The following DPYSL5 variants were observed in gnomAD, a reference collection of about 807,000 sequenced individuals.
DPYSL5 encodes the protein dihydropyrimidinase like 5, also known as dihydropyrimidinase-related protein 5.
A neutral mutation model predicts 58.4 loss-of-function variants in DPYSL5; 9 were observed. That is an observed-to-expected ratio of 0.15 (90% CI 0.09 to 0.27). DPYSL5 has a LOEUF of 0.27. Ranked by LOEUF, DPYSL5 falls within the 10% of genes least tolerant of loss-of-function variation. The probability of loss-of-function intolerance (pLI) is 1.00; values close to 1 mark genes in which losing one functional copy is unlikely to be tolerated. For missense variants in DPYSL5, 499 were observed against 770.6 expected (o/e 0.65, Z 4.17); for synonymous variants, 293 against 301.9 (o/e 0.97, Z 0.31).
At chr2:26,883,840 A>C (rs916215482) in intron 1 of DPYSL5, among the ~76,000 whole-genome samples, 2 of 152,212 alleles carry the variant, frequency 1.3e-5, no homozygotes, top group Non-Finnish European at 2.9e-5. Flanking sequence ...TCTACCCTGA[A>C]TCTAGGTTTC....
chr2:26,873,969 G>C (rs571917946), intron 1 of DPYSL5, among the ~76,000 whole-genome samples: 3 of 152,254 alleles, frequency 2.0e-5, no homozygotes, highest in South Asian at 4.1e-4. Context: ...GCATAGAGTG[G>C]TATTTCATTG....
In DPYSL5 at chr2:26,896,385, C is replaced by G. The variant is rs148228763; in HGVS notation, c.-4-2111C>G. On this transcript the variant is annotated intron_variant, in intron 1 of 12. Transcript: ENST00000288699. ...ATCCCTTCGACATCTGATTTCATTT[C>G]CCTTGGATATATACCCAGTAGTGGG... 2.1e-3 allele frequency among the ~76,000 whole-genome samples: 322 copies of G among 152,246 alleles called. 1 individual carries two copies. Among genetic ancestry groups the G allele is most frequent in the African/African-American group, 7.5e-3 (312 of 41,534 alleles).
intron 1 of DPYSL5, among the ~76,000 whole-genome samples, chr2:26,856,443 C>A (rs999946844): frequency 3.3e-5 from 5 of 152,046 alleles, no homozygotes; most frequent in East Asian, 1.9e-4. Context: ...GTTATATTTG[C>A]GAGATTTCTC....
Position 26,949,268 on chromosome 2 carries a change from G to C in DPYSL5, c.*2273G>C, listed in dbSNP as rs1466546657. On this transcript the variant is annotated 3_prime_UTR_variant, in exon 13 of 13. Coordinates refer to ENST00000288699, the MANE Select transcript of DPYSL5 (RefSeq NM_020134.4). ...GAGCCAAGACTAGTCACCCATTGGG[G>C]GCTAACCGTGCAGTGTGAGCTGCGT... is the stretch of plus-strand genomic sequence containing the variant. 6.6e-6 allele frequency: 1 copy of C among 152,214 alleles called. No homozygotes were observed. Among genetic ancestry groups the C allele is most frequent in the Non-Finnish European group, 1.5e-5 (1 of 68,060 alleles). The allele number at this position is 152,214 out of a possible 1,614,324, so 9.4% of individuals were successfully genotyped here. A position where few individuals can be genotyped will look rare whatever the true frequency, so the allele number is the denominator to read the frequency against.
chr2:26,874,532 T>A (rs1465464628), intron 1 of DPYSL5, among the ~76,000 whole-genome samples: 1 of 152,256 alleles, frequency 6.6e-6, no homozygotes, highest in Non-Finnish European at 1.5e-5. Context: ...CATATATATA[T>A]GTAGGTCTAT....
chr2:26,933,418 G>A lies in DPYSL5; in HGVS notation c.790+85G>A, dbSNP rs1218390318. 16 of 1,331,742 alleles carry A rather than the reference G, an allele frequency of 1.2e-5. No individual in the cohort carries two copies. Among genetic ancestry groups the A allele is most frequent in the Admixed American group, 1.8e-5 (1 of 56,956 alleles). 82.5% of individuals were successfully genotyped at this position (1,331,742 alleles called of 1,614,324 possible). On this transcript the variant is annotated intron_variant, in intron 7 of 12. Coordinates refer to ENST00000288699, the MANE Select transcript of DPYSL5 (RefSeq NM_020134.4). The surrounding 1 kb of genome is among the most constrained non-coding windows in gnomAD (Gnocchi z 4.2). ...GGCCCATTAGCCGTGCTCACTCCTG[G>A]CCCCGGCTCCTGAAACCAGGACCTG...
In DPYSL5 at chr2:26,910,616, C is replaced by CTTTTT. The variant is rs34929540; in HGVS notation, c.261+11871_261+11875dup. ...TTTTCTTTTTTTCTTTCTTCTTCTT[C>CTTTTT]TTTTTTTTTTTTTTTTTTTAGTAGA... On this transcript the variant is annotated intron_variant, in intron 2 of 12. Transcript: ENST00000288699. 3.4e-3 allele frequency among the ~76,000 whole-genome samples: 403 copies of CTTTTT among 118,286 alleles called. 1 individual carries two copies. The highest frequency in any genetic ancestry group is 4.6e-3 in the Non-Finnish European group (271 of 58,400). The allele number at this position is 118,286 out of a possible 152,430, so 77.6% of individuals were successfully genotyped here. A position where few individuals can be genotyped will look rare whatever the true frequency, so the allele number is the denominator to read the frequency against.
At chr2:26,871,567 G>A (rs376627676) in intron 1 of DPYSL5, among the ~76,000 whole-genome samples, 12 of 151,940 alleles carry the variant, frequency 7.9e-5, no homozygotes, top group Non-Finnish European at 1.2e-4. Context: ...TCAGCCTCCC[G>A]AGTAGCTGGG....
chr2:26,887,778 G>C (rs1663756914), intron 1 of DPYSL5, among the ~76,000 whole-genome samples: 1 of 150,114 alleles, frequency 6.7e-6, no homozygotes, highest in Non-Finnish European at 1.5e-5. Flanking sequence ...CCTAGTTACA[G>C]TATTGTCCCC....
intron 2 of DPYSL5, among the ~76,000 whole-genome samples, chr2:26,899,290 A>T (rs934746530): frequency 6.6e-6 from 1 of 152,176 alleles, no homozygotes; most frequent in African/African-American, 2.4e-5. Flanking sequence ...CATGGACAAT[A>T]TTTAACAGTT....
chr2:26,881,672 T>A (rs1277706243), intron 1 of DPYSL5, among the ~76,000 whole-genome samples: 1 of 152,116 alleles, frequency 6.6e-6, no homozygotes, highest in Non-Finnish European at 1.5e-5. Context: ...GCAACTTCTT[T>A]TGGGAGAGAG....
intron 8 of DPYSL5, among the ~76,000 whole-genome samples, chr2:26,936,427 A>G (rs1262452825): frequency 6.6e-6 from 1 of 152,178 alleles, no homozygotes; most frequent in African/African-American, 2.4e-5. Context: ...TGGGGGGTGC[A>G]GGGCTTAGCC....
intron 1 of DPYSL5, among the ~76,000 whole-genome samples, chr2:26,870,557 T>C (rs963837157): frequency 6.6e-6 from 1 of 151,948 alleles, no homozygotes; most frequent in East Asian, 1.9e-4. Context: ...TTATATTGGT[T>C]TTATAAAATG....
rs1665702811 is a variant in DPYSL5 at position 26,849,837 on chromosome 2, C to T, written c.-5+1583C>T. Among the ~76,000 whole-genome samples the T allele has an allele frequency of 6.6e-6, 1 of 152,216 alleles. No homozygotes were observed. Among genetic ancestry groups the T allele is most frequent in the Non-Finnish European group, 1.5e-5 (1 of 68,034 alleles). The stretch of plus-strand genomic sequence containing the variant: ...GGGAATCCCGTGTGGGAGGCGCTCC[C>T]CCGGCCTGGGGGCCTGCAGACAGCC... On this transcript the variant is annotated intron_variant, in intron 1 of 12. Coordinates refer to ENST00000288699, the MANE Select transcript of DPYSL5 (RefSeq NM_020134.4). This position sits in a 1 kb window ranked among gnomAD's most constrained non-coding sequence, Gnocchi z 6.2.
At position 26,932,401 on chromosome 2, in the gene DPYSL5, T is replaced by C. The variant is rs569298696; in HGVS notation, c.714+717T>C. Among the ~76,000 whole-genome samples, 10 of 152,298 alleles carry C rather than the reference T, an allele frequency of 6.6e-5. No individual in the cohort carries two copies. In the East Asian group the frequency reaches 1.9e-3, roughly 29 times the overall value. On this transcript the variant is annotated intron_variant, in intron 6 of 12. Transcript: ENST00000288699. ...TCCACCCCGCCGAGCCTGCTGAAGC[T>C]CAGTTCATTGCTCACGTGTAAACTC...
In DPYSL5 at chr2:26,924,826, C is replaced by A; in HGVS notation, c.262-61C>A. 6.4e-7 allele frequency: 1 copy of A among 1,572,054 alleles called. No individual in the cohort carries two copies. The highest frequency in any genetic ancestry group is 8.6e-7 in the Non-Finnish European group (1 of 1,158,192). On this transcript the variant is annotated intron_variant, in intron 2 of 12. Coordinates refer to ENST00000288699, the MANE Select transcript of DPYSL5 (RefSeq NM_020134.4). This position sits in a 1 kb window ranked among gnomAD's most constrained non-coding sequence, Gnocchi z 4.7. ...ATGGACCATGAGGACCATGTCTCAC[C>A]ACATCATTGACTCGGGGGCAGGCAG...
At chr2:26,916,734 C>G (rs1158296317) in intron 2 of DPYSL5, among the ~76,000 whole-genome samples, 2 of 152,202 alleles carry the variant, frequency 1.3e-5, no homozygotes, top group Admixed American at 6.5e-5. Flanking sequence ...CACTGGGCTG[C>G]TTTTGCACTT....
rs1572724301 is a variant in DPYSL5 at position 26,944,590 on chromosome 2, A to G, written c.1441-66A>G. 5.1e-6 allele frequency: 8 copies of G among 1,557,004 alleles called. No homozygotes were observed. The highest frequency in any genetic ancestry group is 2.3e-5 in the East Asian group (1 of 44,334). ...TGTCCCACCGGCCCCCAGGGAGGCC[A>G]TGGTTGTATCACTCAGCTCTGATGG... On this transcript the variant is annotated intron_variant, in intron 11 of 12. Transcript: ENST00000288699. This position sits in a 1 kb window ranked among gnomAD's most constrained non-coding sequence, Gnocchi z 4.4.
chr2:26,861,875 T>A (rs1666027026), intron 1 of DPYSL5, among the ~76,000 whole-genome samples: 1 of 152,212 alleles, frequency 6.6e-6, no homozygotes, highest in Non-Finnish European at 1.5e-5. Flanking sequence ...TCCCTTATTA[T>A]GTTATATAAT....
Sources: gnomAD v4.1 joint callset for allele counts (sites outside exome capture counted in the v4.1 genomes callset) on GRCh38, gnomAD v4.1.1 for gene constraint, Gnocchi (gnomAD v3.1) non-coding constraint, MANE v1.5 for transcripts, NCBI Gene and HGNC (gene_info 2026-07-23, HGNC 2026-07-21) for gene names.